The following CEP250 variants were observed in gnomAD, a reference collection of about 807,000 sequenced individuals.
CEP250 encodes centrosome-associated protein CEP250.
In CEP250, 242 loss-of-function variants were observed where a neutral mutation model predicts 315.7. The ratio of observed to expected loss-of-function variants is 0.77; its 90% CI spans 0.69 to 0.85. The LOEUF is 0.85. Among genes scored for constraint, CEP250 ranks in the 40% least tolerant of loss-of-function variants. The probability of loss-of-function intolerance (pLI) is 0.00; values close to 1 mark genes in which losing one functional copy is unlikely to be tolerated. For synonymous variants in CEP250, 1,088 were observed against 1,175.0 expected, an observed-to-expected ratio of 0.93 and a Z score of 1.51; for missense variants, 2,515 against 2,886.4, an observed-to-expected ratio of 0.87 and a Z score of 2.95.
At chr20:35,467,258 T>A in intron 8 of CEP250, 46 bp from the exon 9 acceptor site, 1 of 1,589,152 alleles carries the variant, frequency 6.3e-7, no homozygotes, top group Non-Finnish European at 8.6e-7. Context: ...CCACACTCCT[T>A]CCCTGGTTCC....
At chr20:35,476,182 GTTCCCAGAGCAC>G in intron 15 of CEP250, 3 of 326,824 alleles carry the variant, frequency 9.2e-6, no homozygotes, top group Non-Finnish European at 1.7e-5. Context: ...ATTTTTTTTA[GTTCCCAGAGCAC>G]TTTGTGCTTA....
In CEP250 at chr20:35,518,113, C is replaced by G. The variant is rs1352855194; in HGVS notation, c.*6487C>G. 1 of 145,046 alleles carries G rather than the reference C, an allele frequency of 6.9e-6. No individual in the cohort carries two copies. The highest frequency in any genetic ancestry group is 2.5e-5 in the African/African-American group (1 of 39,874). 9.0% of individuals were successfully genotyped at this position (145,046 alleles called of 1,614,324 possible). ...TTTCCCACCTCATTCTTCTCAAACT[C>G]CTCTTCAGAGGCAGCGGGTTTTGTT... On this transcript the variant is annotated 3_prime_UTR_variant, in exon 35 of 35. Coordinates refer to ENST00000397527, the MANE Select transcript of CEP250 (RefSeq NM_007186.6).
At chr20:35,496,262 G>C (rs776192265) in intron 24 of CEP250, among the ~76,000 whole-genome samples, 2 of 151,918 alleles carry the variant, frequency 1.3e-5, no homozygotes, top group Non-Finnish European at 2.9e-5. Flanking sequence ...ATTTGAACCC[G>C]GGAGGCAGAG....
chr20:35,472,894 A>G, intron 12 of CEP250, 63 bp downstream of exon 12: 4 of 1,538,614 alleles, frequency 2.6e-6, no homozygotes, highest in Non-Finnish European at 3.6e-6. Flanking sequence ...TTTGTGCCTC[A>G]GGTACCTCCC....
intron 33 of CEP250, 33 bp downstream of exon 33, chr20:35,509,077 G>A: frequency 2.0e-6 from 3 of 1,524,444 alleles, no homozygotes; most frequent in Non-Finnish European, 2.7e-6. Context: ...CAGCCTTAGA[G>A]AGCCCAACCC....
chr20:35,479,604 G>T, intron 18 of CEP250, 42 bp from the exon 19 acceptor site: 3 of 1,609,826 alleles, frequency 1.9e-6, no homozygotes, highest in Non-Finnish European at 2.5e-6. Context: ...AGGGTAAGGG[G>T]CTTGATGGGT....
chr20:35,496,302 A>T (rs2063832303), intron 24 of CEP250, among the ~76,000 whole-genome samples: 1 of 151,930 alleles, frequency 6.6e-6, no homozygotes. Context: ...GTGCCACTGT[A>T]CCCCAGCCTG....
In CEP250 at chr20:35,515,975, C is replaced by T. The variant is rs1167751563; in HGVS notation, c.*4349C>T. The T allele has an allele frequency of 6.6e-6, 1 of 152,294 alleles. No individual in the cohort carries two copies. The highest frequency in any genetic ancestry group is 1.5e-5 in the Non-Finnish European group (1 of 68,080). 9.4% of individuals were successfully genotyped at this position (152,294 alleles called of 1,614,324 possible). A position where few individuals can be genotyped will look rare whatever the true frequency, so the allele number is the denominator to read the frequency against. ...CTCCTGGCCAGTTGATCTCACCCAA[C>T]TCATTACATCAGTAGCCTGGTCACA... On this transcript the variant is annotated 3_prime_UTR_variant, in exon 35 of 35. Transcript: ENST00000397527.
At chr20:35,457,671 T>G (rs1184879956) in intron 1 of CEP250, among the ~76,000 whole-genome samples, 1 of 152,158 alleles carries the variant, frequency 6.6e-6, no homozygotes, top group East Asian at 1.9e-4. Flanking sequence ...TGGTGGCACA[T>G]GCTTGTAATC....
chr20:35,494,742 C>G, intron 24 of CEP250, 85 bp downstream of exon 24: 1 of 1,505,324 alleles, frequency 6.6e-7, no homozygotes, highest in Non-Finnish European at 9.1e-7. Context: ...GCTCAGGCCA[C>G]CTTGCCTTTC....
chr20:35,517,088 C>A lies in CEP250; in HGVS notation c.*5462C>A. On this transcript the variant is annotated 3_prime_UTR_variant, in exon 35 of 35. Coordinates refer to ENST00000397527, the MANE Select transcript of CEP250 (RefSeq NM_007186.6). ...TTCCCCTCTCCTGTTGGCCTCCATC[C>A]CTTCCTCAACCGTCCGCAGAACACC... 1.1e-6 allele frequency: 1 copy of A among 911,076 alleles called. No homozygotes were observed. The highest frequency in any genetic ancestry group is 5.0e-5 in the South Asian group (1 of 19,898). 56.4% of individuals were successfully genotyped at this position (911,076 alleles called of 1,614,324 possible).
Position 35,498,025 on chromosome 20 carries a change from G to C in CEP250, c.3613G>C (p.Gly1205Arg). ...SVCESRPELS[G>R]GGDSAPSVWG... ...TTGTGAGAGCAGGCCTGAGCTGAGT[G>C]GTGGGGGAGACTCTGCTCCTTCCGT... Residue 1205 changes from glycine (G) to arginine (R), a missense_variant, in exon 26 of 35, where the codon GGT (glycine) becomes CGT (arginine). Physicochemically the swap from Gly to Arg is moderately radical, Grantham distance 125. Transcript: ENST00000397527. The C allele has an allele frequency of 3.7e-6, 6 of 1,600,120 alleles. No homozygotes were observed. Among genetic ancestry groups the C allele is most frequent in the Non-Finnish European group, 5.1e-6 (6 of 1,169,872 alleles).
chr20:35,469,879 C>G lies in CEP250; in HGVS notation c.852-11C>G, dbSNP rs755554384. On this transcript the variant is annotated splice_polypyrimidine_tract_variant and intron_variant, in intron 9 of 34. Coordinates refer to ENST00000397527, the MANE Select transcript of CEP250 (RefSeq NM_007186.6). ...GCTGTTCTGGTGACAGTGCTATGCT[C>G]TTCTCTTTAGGGTGACCGAGCTCTC... The G allele has an allele frequency of 1.9e-6, 3 of 1,597,076 alleles. No homozygotes were observed. The highest frequency in any genetic ancestry group is 2.2e-5 in the South Asian group (2 of 90,084).
chr20:35,508,160 C>A lies in CEP250; in HGVS notation c.6876C>A (p.His2292Gln). ...LEIDRSRLQR[H>Q]NVQLRSTLEQ... is the part of the protein sequence containing the mutation. ...TTGACAGGAGCAGGCTGCAGCGCCA[C>A]AATGTCCAGCTGCGGAGTACCTTGG... Residue 2292 changes from histidine to glutamine, a missense_variant, in exon 32 of 35, where the codon CAC (histidine) becomes CAA (glutamine). Physicochemically the swap from His to Gln is conservative, Grantham distance 24. Transcript: ENST00000397527. 6.2e-7 allele frequency: 1 copy of A among 1,614,124 alleles called. No homozygotes were observed. Among genetic ancestry groups the A allele is most frequent in the Non-Finnish European group, 8.5e-7 (1 of 1,180,014 alleles).
chr20:35,516,920 G>A lies in CEP250; in HGVS notation c.*5294G>A. The A allele has an allele frequency of 4.0e-5, 38 of 938,998 alleles. No homozygotes were observed. The highest frequency in any genetic ancestry group is 4.8e-5 in the Non-Finnish European group (38 of 787,606). The allele number at this position is 938,998 out of a possible 1,614,324, so 58.2% of individuals were successfully genotyped here. ...AGACCTCTGAGCAGACGGCAGAAAC[G>A]TCAGCCACAGGTGAGCATAAGCTCA... is the stretch of plus-strand genomic sequence containing the variant. On this transcript the variant is annotated 3_prime_UTR_variant, in exon 35 of 35. Transcript: ENST00000397527.
rs1269215308 is a variant in CEP250 at position 35,462,567 on chromosome 20, C to T, written c.186+14C>T. 6.3e-7 allele frequency: 1 copy of T among 1,580,058 alleles called. No individual in the cohort carries two copies. The highest frequency in any genetic ancestry group is 1.1e-5 in the South Asian group (1 of 86,998). Reference sequence around the variant, plus strand: ...CTGCAGGCCAAGGTGAGGCAGCTGCCCTTTTGGGGAGGGGAAAGAGAACAA... The same window carrying T: ...CTGCAGGCCAAGGTGAGGCAGCTGCTCTTTTGGGGAGGGGAAAGAGAACAA... On this transcript the variant is annotated intron_variant, in intron 4 of 34. Coordinates refer to ENST00000397527, the MANE Select transcript of CEP250 (RefSeq NM_007186.6).
At chr20:35,498,205 T>A in intron 26 of CEP250, 138 bp downstream of exon 26, 3 of 738,386 alleles carry the variant, frequency 4.1e-6, no homozygotes, top group Non-Finnish European at 6.4e-6. Context: ...ATTCTGAGTT[T>A]AAGCCCCAGC....
At position 35,511,595 on chromosome 20, in the gene CEP250, GC is replaced by G. The variant is rs2147241969; in HGVS notation, c.7302del (p.Ser2435AlafsTer100). The G allele has an allele frequency of 6.2e-7, 1 of 1,612,886 alleles. No homozygotes were observed. Among genetic ancestry groups the G allele is most frequent in the East Asian group, 2.2e-5 (1 of 44,854 alleles). On this transcript the variant is annotated frameshift_variant, in exon 35 of 35. Transcript: ENST00000397527. LOFTEE classifies it high-confidence loss of function. ...TSPGPVLLHP[S>X]PSTTQAASR is the part of the protein sequence containing the mutation. ...CCAGGGCCAGTCCTGCTACACCCCA[GC>G]CCCAGCACTACCCAAGCCGCCTCCA... is the stretch of plus-strand genomic sequence containing the variant.
intron 28 of CEP250, 151 bp downstream of exon 28, chr20:35,500,320 T>C: frequency 3.0e-6 from 3 of 1,003,212 alleles, no homozygotes; most frequent in Non-Finnish European, 4.3e-6. Context: ...TTGAGTACAA[T>C]GTCACGACTT....
Sources: allele counts gnomAD v4.1 joint callset (sites outside exome capture counted in the v4.1 genomes callset), GRCh38; gene constraint gnomAD v4.1.1; transcripts MANE v1.5; gene names NCBI Gene and HGNC (gene_info 2026-07-23, HGNC 2026-07-21).